Variants in ENTREP2 observed in about 807,000 individuals in gnomAD.
ENTREP2 encodes the protein endosomal transmembrane epsin interactor 2.
chr15:29,564,296 C>T, the ENTREP2 span, among the ~76,000 whole-genome samples: 1 of 152,298 alleles, frequency 6.6e-6, no homozygotes, highest in East Asian at 1.9e-4. Flanking sequence ...ACTTTGAAGT[C>T]CTTCTTTTCC....
At chr15:29,405,522 C>A in the ENTREP2 span, among the ~76,000 whole-genome samples, 2 of 152,180 alleles carry the variant, frequency 1.3e-5, no homozygotes, top group Non-Finnish European at 2.9e-5. Flanking sequence ...ACCCTTCCTG[C>A]TTCATCCAGG....
At chr15:29,119,940 T>TA in the ENTREP2 span, among the ~76,000 whole-genome samples, 7 of 152,318 alleles carry the variant, frequency 4.6e-5, no homozygotes, top group African/African-American at 1.2e-4. Context: ...TACACATCTT[T>TA]AAAAAACCTG....
At chr15:29,213,104 C>T in the ENTREP2 span, among the ~76,000 whole-genome samples, 10,370 of 151,986 alleles carry the variant, frequency 0.068, 1,179 homozygotes, top group African/African-American at 0.23. Flanking sequence ...TGGTTGTAGA[C>T]GTGTGGTATT....
At chr15:29,583,322 A>C in the ENTREP2 span, among the ~76,000 whole-genome samples, 1 of 152,328 alleles carries the variant, frequency 6.6e-6, no homozygotes, top group Admixed American at 6.5e-5. Context: ...AAAAGGAACA[A>C]GATCATGTTC....
At chr15:29,474,435 C>T in the ENTREP2 span, among the ~76,000 whole-genome samples, 1 of 152,094 alleles carries the variant, frequency 6.6e-6, no homozygotes, top group South Asian at 2.1e-4. Flanking sequence ...CAAATGACTA[C>T]GGTTCAGGTT....
the ENTREP2 span, among the ~76,000 whole-genome samples, chr15:29,444,202 G>GAAAGAAAGAAAGAAAGA: frequency 5.6e-5 from 8 of 142,628 alleles, no homozygotes; most frequent in African/African-American, 2.2e-4. Context: ...AAGAAAGAAA[G>GAAAGAAAGAAAGAAAGA]AAAGAAAGAA....
At chr15:29,155,840 G>C in the ENTREP2 span, among the ~76,000 whole-genome samples, 1 of 152,150 alleles carries the variant, frequency 6.6e-6, no homozygotes, top group Non-Finnish European at 1.5e-5. Context: ...GTTTCAGGCA[G>C]GAGGTTAAAT....
the ENTREP2 span, among the ~76,000 whole-genome samples, chr15:29,424,418 G>C: frequency 6.6e-6 from 1 of 152,126 alleles, no homozygotes; most frequent in African/African-American, 2.4e-5. Flanking sequence ...GCCGATTGGT[G>C]CATTTACAAT....
the ENTREP2 span, among the ~76,000 whole-genome samples, chr15:29,239,671 T>C: frequency 6.6e-6 from 1 of 152,102 alleles, no homozygotes; most frequent in Non-Finnish European, 1.5e-5. Context: ...TTGAATCTAA[T>C]TAAAAAGGAC....
chr15:29,341,728 A>C, the ENTREP2 span, among the ~76,000 whole-genome samples: 1 of 152,102 alleles, frequency 6.6e-6, no homozygotes, highest in Non-Finnish European at 1.5e-5. Context: ...TCTATAAAGA[A>C]GGTGGTAGCA....
At chr15:29,290,221 C>T in the ENTREP2 span, among the ~76,000 whole-genome samples, 4 of 152,190 alleles carry the variant, frequency 2.6e-5, no homozygotes, top group African/African-American at 9.7e-5. Context: ...TCCTACTTTC[C>T]CTGAGGGCAC....
chr15:29,138,790 T>C, the ENTREP2 span, among the ~76,000 whole-genome samples: 6 of 151,604 alleles, frequency 4.0e-5, no homozygotes, highest in Non-Finnish European at 8.8e-5. Flanking sequence ...TAGAAAACAG[T>C]GAGGTCTCCA....
chr15:29,144,739 C>T, the ENTREP2 span, among the ~76,000 whole-genome samples: 1 of 151,370 alleles, frequency 6.6e-6, no homozygotes. Flanking sequence ...CAGGAAAAAA[C>T]AAACAAAAAA....
At chr15:29,178,706 G>A in the ENTREP2 span, among the ~76,000 whole-genome samples, 6 of 152,064 alleles carry the variant, frequency 3.9e-5, no homozygotes, top group Non-Finnish European at 5.9e-5. Flanking sequence ...ATTTTGAGAT[G>A]TTTACAGTTC....
the ENTREP2 span, among the ~76,000 whole-genome samples, chr15:29,568,248 G>T: frequency 6.6e-6 from 1 of 152,208 alleles, no homozygotes; most frequent in Admixed American, 6.5e-5. Flanking sequence ...CAGGAGGGTG[G>T]GAGATGGAGG....
the ENTREP2 span, among the ~76,000 whole-genome samples, chr15:29,453,420 T>A: frequency 6.6e-6 from 1 of 152,224 alleles, no homozygotes; most frequent in Non-Finnish European, 1.5e-5. Context: ...TTGGCCCTGA[T>A]ATTAAAATAC....
At chr15:29,588,282 G>T in the ENTREP2 span, among the ~76,000 whole-genome samples, 1 of 152,142 alleles carries the variant, frequency 6.6e-6, no homozygotes, top group South Asian at 2.1e-4. Flanking sequence ...GACTCCAAAT[G>T]TCCTCGGCAC....
chr15:29,536,603 C>CAA, the ENTREP2 span, among the ~76,000 whole-genome samples: 1,303 of 74,164 alleles, frequency 0.018, 19 homozygotes, highest in African/African-American at 0.055. Flanking sequence ...GACTCTGTCT[C>CAA]AAAAAAAAAA....
the ENTREP2 span, among the ~76,000 whole-genome samples, chr15:29,316,843 GA>G: frequency 6.6e-6 from 1 of 152,102 alleles, no homozygotes; most frequent in African/African-American, 2.4e-5. Context: ...CTTTTAAAAA[GA>G]AGACACATAA....
Sources: gnomAD v4.1 joint callset for allele counts (sites outside exome capture counted in the v4.1 genomes callset) on GRCh38, gnomAD v4.1.1 for gene constraint, MANE v1.5 for transcripts, NCBI Gene and HGNC (gene_info 2026-07-23, HGNC 2026-07-21) for gene names.